SORBS2: variants seen among roughly 807,000 people sequenced by gnomAD.
SORBS2 encodes sorbin and SH3 domain containing 2.
In SORBS2, 46 loss-of-function variants were observed where a neutral mutation model predicts 97.7. The ratio of observed to expected loss-of-function variants is 0.47; its 90% confidence interval spans 0.37 to 0.60. The LOEUF (loss-of-function observed/expected upper bound fraction) is 0.60, where lower values mean the gene tolerates loss of function less well. Ranked by LOEUF, SORBS2 falls within the 20% of genes least tolerant of loss-of-function variation. The pLI, the probability that SORBS2 is intolerant of heterozygous loss-of-function variation, is 0.00. For synonymous variants in SORBS2, 476 were observed against 473.4 expected (o/e 1.01, Z -0.07); for missense variants, 1,316 against 1,282.3 (o/e 1.03, Z -0.40).
intron 1 of SORBS2, among the ~76,000 whole-genome samples, chr4:185,871,150 T>C (rs973172498): frequency 9.2e-5 from 14 of 152,240 alleles, no homozygotes; most frequent in African/African-American, 3.4e-4. Context: ...AGTGTACATG[T>C]CAGGCACTTG....
At chr4:185,601,096 A>G (rs1006855938) in intron 12 of SORBS2, among the ~76,000 whole-genome samples, 2 of 152,048 alleles carry the variant, frequency 1.3e-5, no homozygotes, top group African/African-American at 4.8e-5. Context: ...GGTTTTCTCA[A>G]CTCTCATTTA....
chr4:185,767,499 C>CAAA lies in SORBS2; in HGVS notation c.-198+7725_-198+7727dup, dbSNP rs70962594. Among the ~76,000 whole-genome samples the CAAA allele has an allele frequency of 1.4e-3, 83 of 60,526 alleles. 1 individual carries two copies. The highest frequency in any genetic ancestry group is 5.7e-3 in the African/African-American group (68 of 12,034). 39.7% of individuals were successfully genotyped at this position (60,526 alleles called of 152,430 possible). A position where few individuals can be genotyped will look rare whatever the true frequency, so the allele number is the denominator to read the frequency against. Reference sequence around the variant, plus strand: ...TGGGCGACAGAGTGAGACTCTGTCTCAAAAAAAAAAAAAAAAAAAAGAGAA... The same window carrying CAAA: ...TGGGCGACAGAGTGAGACTCTGTCTCAAAAAAAAAAAAAAAAAAAAAAAGAGAA... On this transcript the variant is annotated intron_variant, in intron 2 of 20. Coordinates refer to the SORBS2 transcript ENST00000284776.
At chr4:185,589,964 G>C in intron 13 of SORBS2, 179 bp from the exon 26 acceptor site, 1 of 479,106 alleles carries the variant, frequency 2.1e-6, no homozygotes, top group Non-Finnish European at 3.7e-6. Flanking sequence ...CTGGTAAGCA[G>C]GTACATAGCA....
At chr4:185,896,943 G>A (rs909598372) in intron 1 of SORBS2, among the ~76,000 whole-genome samples, 9 of 150,664 alleles carry the variant, frequency 6.0e-5, no homozygotes, top group East Asian at 1.9e-4. Context: ...TACAAAGCAC[G>A]TCAGTGATTG....
At position 185,607,107 on chromosome 4, in the gene SORBS2, C is replaced by T. The variant is rs2096442974; in HGVS notation, c.2796+4673G>A. On this transcript the variant is annotated intron_variant, in intron 12 of 14. Transcript: ENST00000418609. The surrounding 1 kb of genome is among the most constrained non-coding windows in gnomAD (Gnocchi z 5.2). ...GGACAGCAGGTTCCTCCTTAATTTC[C>T]AGGATGGCGTCCTCTAGGATGGTTG... The T allele has an allele frequency of 2.8e-6, 3 of 1,056,690 alleles. No individual in the cohort carries two copies. The highest frequency in any genetic ancestry group is 3.4e-6 in the Non-Finnish European group (3 of 871,280). The allele number at this position is 1,056,690 out of a possible 1,614,324, so 65.5% of individuals were successfully genotyped here.
intron 1 of SORBS2, among the ~76,000 whole-genome samples, chr4:185,941,664 C>T (rs1418128684): frequency 6.6e-6 from 1 of 152,196 alleles, no homozygotes; most frequent in Non-Finnish European, 1.5e-5. Flanking sequence ...TTCCTCCTCA[C>T]TCCTGTACTC....
At chr4:185,803,823 T>C (rs183055417) in intron 1 of SORBS2, among the ~76,000 whole-genome samples, 7 of 152,310 alleles carry the variant, frequency 4.6e-5, no homozygotes, top group Admixed American at 2.6e-4. Context: ...TGTGAAAGAA[T>C]TCAGGATATA....
intron 1 of SORBS2, among the ~76,000 whole-genome samples, chr4:185,865,546 G>A (rs1447608276): frequency 6.6e-6 from 1 of 152,012 alleles, no homozygotes; most frequent in Non-Finnish European, 1.5e-5. Flanking sequence ...GAGATCTATA[G>A]GCTTTAACGG....
At chr4:185,776,533 A>G (rs1471484924) in intron 1 of SORBS2, among the ~76,000 whole-genome samples, 3 of 152,116 alleles carry the variant, frequency 2.0e-5, no homozygotes, top group Non-Finnish European at 4.4e-5. Context: ...CCCCATTACA[A>G]AAAGAATGCT....
intron 2 of SORBS2, among the ~76,000 whole-genome samples, chr4:185,770,277 T>A (rs1370572679): frequency 2.0e-5 from 3 of 152,188 alleles, no homozygotes; most frequent in African/African-American, 7.2e-5. Flanking sequence ...CTTAGAAGTC[T>A]CTCTTTGAGT....
At chr4:185,840,439 T>C (rs1499011) in intron 1 of SORBS2, among the ~76,000 whole-genome samples, 19,364 of 152,202 alleles carry the variant, frequency 0.13, 1,379 homozygotes, top group Middle Eastern at 0.2. Flanking sequence ...TATGCTAGTA[T>C]CTTGCATAGC....
At chr4:185,895,585 C>T (rs1333426571) in intron 1 of SORBS2, among the ~76,000 whole-genome samples, 1 of 152,188 alleles carries the variant, frequency 6.6e-6, no homozygotes, top group Non-Finnish European at 1.5e-5. Flanking sequence ...TGCACCGGGC[C>T]CAGTGCCCGG....
At chr4:185,950,011 T>C (rs1045956384) in intron 1 of SORBS2, among the ~76,000 whole-genome samples, 1 of 152,198 alleles carries the variant, frequency 6.6e-6, no homozygotes, top group African/African-American at 2.4e-5. Flanking sequence ...CCCAGCACTT[T>C]GGGAGGCCAA....
In SORBS2 at chr4:185,736,041, G is replaced by C. The variant is rs570798487; in HGVS notation, c.-198+39186C>G. Among the ~76,000 whole-genome samples, 3 of 152,210 alleles carry C rather than the reference G, an allele frequency of 2.0e-5. No homozygotes were observed. In the South Asian group the frequency reaches 6.2e-4, roughly 32 times the overall value. Reference sequence around the variant, plus strand: ...GGATGGAGAAGCAGAGCCGTGGACAGGTGCCAAGTCACCCAGGTCTCAGGG... The same window carrying C: ...GGATGGAGAAGCAGAGCCGTGGACACGTGCCAAGTCACCCAGGTCTCAGGG... On this transcript the variant is annotated intron_variant, in intron 2 of 20. Transcript: ENST00000284776.
rs916908198 is a variant in SORBS2, at chr4:185,773,529, T to A, written c.-198+1698A>T. 15 of 151,980 alleles carry A rather than the reference T, an allele frequency of 9.9e-5. 1 individual carries two copies. Among genetic ancestry groups the A allele is most frequent in the African/African-American group, 3.4e-4 (14 of 41,354 alleles). 9.4% of individuals were successfully genotyped at this position (151,980 alleles called of 1,614,324 possible). On this transcript the variant is annotated intron_variant, in intron 2 of 20. Coordinates refer to the SORBS2 transcript ENST00000284776. ...TCCACAGCTCCGCCCCTTTGGAGAT[T>A]TGTCCTGTGGCCACTTGCGTTTGTC...
intron 7 of SORBS2, among the ~76,000 whole-genome samples, chr4:185,620,628 A>G (rs373617911): frequency 1.3e-5 from 2 of 152,168 alleles, no homozygotes; most frequent in African/African-American, 4.8e-5. Context: ...AAGAGATAAA[A>G]CCAAAGAAAG....
At chr4:185,933,876 G>T (rs962155018) in intron 1 of SORBS2, among the ~76,000 whole-genome samples, 1 of 152,194 alleles carries the variant, frequency 6.6e-6, no homozygotes, top group Non-Finnish European at 1.5e-5. Context: ...CTGATATGAA[G>T]ACCCTTCTTG....
At chr4:185,951,670 T>A (rs1357942118) in intron 1 of SORBS2, among the ~76,000 whole-genome samples, 3 of 152,246 alleles carry the variant, frequency 2.0e-5, no homozygotes, top group African/African-American at 7.2e-5. Context: ...TCCACTGACC[T>A]AAGTTTGCTG....
At chr4:185,624,904 CA>C (rs2096784920) in intron 6 of SORBS2, among the ~76,000 whole-genome samples, 1 of 152,162 alleles carries the variant, frequency 6.6e-6, no homozygotes. Context: ...TACCCTTACG[CA>C]ATTTAATAGG....
Sources: allele counts gnomAD v4.1 joint callset (sites outside exome capture counted in the v4.1 genomes callset), GRCh38; gene constraint gnomAD v4.1.1; non-coding constraint Gnocchi (gnomAD v3.1); transcripts MANE v1.5; gene names NCBI Gene and HGNC (gene_info 2026-07-23, HGNC 2026-07-21).